VAC14: variants seen among roughly 807,000 people sequenced by gnomAD.
The protein encoded by VAC14 is VAC14 component of PIKFYVE complex, also known as protein VAC14 homolog.
In VAC14, 47 loss-of-function variants were observed where a neutral mutation model predicts 85.3. The observed-to-expected ratio is 0.55, with a 90% confidence interval of 0.44 to 0.70. The LOEUF (loss-of-function observed/expected upper bound fraction) is 0.70, where lower values mean the gene tolerates loss of function less well. Among genes scored for constraint, VAC14 ranks in the 30% least tolerant of loss-of-function variants. The pLI is 0.00. For synonymous variants in VAC14, 447 were observed against 430.5 expected, an observed-to-expected ratio of 1.04 and a Z score of -0.47; for missense variants, 861 against 1,004.3, an observed-to-expected ratio of 0.86 and a Z score of 1.93.
chr16:70,771,166 C>T (rs945662021), intron 10 of VAC14: 5 of 152,180 alleles, frequency 3.3e-5, no homozygotes, highest in African/African-American at 7.2e-5. Flanking sequence ...AGGGCAGAAC[C>T]GTTACAGTAC....
chr16:70,784,793 G>C lies in VAC14; in HGVS notation c.469C>G (p.Leu157Val), dbSNP rs770644376. The C allele has an allele frequency of 2.5e-6, 4 of 1,614,032 alleles. No individual in the cohort carries two copies. The East Asian group carries it at 8.9e-5, about 36-fold the overall frequency. The stretch of plus-strand genomic sequence containing the variant: ...ACAAATACCTTTAAAAGGCGGTCTA[G>C]GAGCTCAGATCCGCTTTTCACATTG... ...DPNVKSGSEL[L>V]DRLLKDIVTE... is the part of the protein sequence containing the mutation. The change falls in exon 4 of 19, where the codon CTA becomes GTA. Residue 157 changes from leucine (L) to valine (V), a missense_variant. Physicochemically the swap from Leu to Val is conservative, Grantham distance 32. Transcript: ENST00000261776.
intron 13 of VAC14, among the ~76,000 whole-genome samples, chr16:70,738,994 C>G (rs2029987586): frequency 6.6e-6 from 1 of 152,222 alleles, no homozygotes. Context: ...AACAGAGGGG[C>G]AGGAGAAGCT....
At chr16:70,731,348 C>A in intron 14 of VAC14, 147 bp downstream of exon 14, 1 of 1,489,914 alleles carries the variant, frequency 6.7e-7, no homozygotes, top group Non-Finnish European at 8.9e-7. Context: ...GAAGGGGCAA[C>A]CTTCTTCATT....
chr16:70,765,620 G>A (rs2032748175), intron 10 of VAC14, among the ~76,000 whole-genome samples: 1 of 152,142 alleles, frequency 6.6e-6, no homozygotes, highest in Non-Finnish European at 1.5e-5. Context: ...CTTTGGATCT[G>A]ATCAGTCTGA....
chr16:70,771,822 G>A, intron 10 of VAC14: 1 of 346,458 alleles, frequency 2.9e-6, no homozygotes, highest in Non-Finnish European at 5.3e-6. Flanking sequence ...CTCAAGCGAT[G>A]TGCCTGCCTT....
chr16:70,722,045 G>A (rs1308834030), intron 14 of VAC14, among the ~76,000 whole-genome samples: 5 of 152,234 alleles, frequency 3.3e-5, no homozygotes, highest in South Asian at 2.1e-4. Flanking sequence ...GACTGGGGAC[G>A]AGGGCAGATG....
intron 12 of VAC14, among the ~76,000 whole-genome samples, chr16:70,745,486 T>A (rs918102984): frequency 2.3e-4 from 31 of 134,426 alleles, no homozygotes; most frequent in African/African-American, 8.7e-4. Context: ...GGCTTCAGTG[T>A]GTGTGTGTGT....
chr16:70,712,668 T>C (rs560069088), intron 14 of VAC14, among the ~76,000 whole-genome samples: 30 of 152,218 alleles, frequency 2.0e-4, no homozygotes, highest in Non-Finnish European at 4.0e-4. Context: ...CAGAAAGGGC[T>C]GCAGAAGGAA....
intron 12 of VAC14, among the ~76,000 whole-genome samples, chr16:70,752,148 A>G (rs2031438980): frequency 6.6e-6 from 1 of 152,234 alleles, no homozygotes; most frequent in Admixed American, 6.5e-5. Flanking sequence ...TGAGGACAGC[A>G]TTCTGTGTTT....
Position 70,783,118 on chromosome 16 carries a change from T to C in VAC14, c.726A>G (p.Glu242=). The change falls in exon 7 of 19, where the codon GAA becomes GAG. Residue 242 remains glutamate (E), a synonymous_variant. Coordinates refer to ENST00000261776, the MANE Select transcript of VAC14 (RefSeq NM_018052.5). ...GGTTCTTCTTAATTTCTTTTAAGAA[T>C]TCTCCAAGAACAACCTCACACCTAT... ...IRKMCEVVLG[E]FLKEIKKNPS... The C allele has an allele frequency of 6.2e-7, 1 of 1,613,982 alleles. No homozygotes were observed. Among genetic ancestry groups the C allele is most frequent in the Non-Finnish European group, 8.5e-7 (1 of 1,179,994 alleles).
At chr16:70,717,075 C>T (rs150013050) in intron 14 of VAC14, among the ~76,000 whole-genome samples, 247 of 152,384 alleles carry the variant, frequency 1.6e-3, no homozygotes, top group Non-Finnish European at 2.7e-3. Context: ...GTTGGCTCTG[C>T]CTCCTGATGT....
intron 12 of VAC14, among the ~76,000 whole-genome samples, chr16:70,750,308 C>CT (rs952565952): frequency 6.6e-6 from 1 of 152,134 alleles, no homozygotes; most frequent in Non-Finnish European, 1.5e-5. Flanking sequence ...CGCTACACAG[C>CT]TTTTTTGCAA....
At chr16:70,795,729 T>C (rs183371368) in intron 1 of VAC14, among the ~76,000 whole-genome samples, 7 of 152,328 alleles carry the variant, frequency 4.6e-5, no homozygotes, top group Admixed American at 2.0e-4. Context: ...TCAGGGGGCA[T>C]GGCCTGGGCC....
At chr16:70,697,657 T>C (rs1375380165) in intron 15 of VAC14, among the ~76,000 whole-genome samples, 1 of 152,142 alleles carries the variant, frequency 6.6e-6, no homozygotes, top group African/African-American at 2.4e-5. Context: ...CACACTTAAA[T>C]GCCATCTCCT....
chr16:70,704,834 G>C (rs987528929), intron 14 of VAC14, among the ~76,000 whole-genome samples: 1 of 152,210 alleles, frequency 6.6e-6, no homozygotes, highest in Non-Finnish European at 1.5e-5. Flanking sequence ...GACGGAGCTT[G>C]GGTCTCCTTG....
chr16:70,725,866 C>A (rs988897056), intron 14 of VAC14, among the ~76,000 whole-genome samples: 1 of 152,218 alleles, frequency 6.6e-6, no homozygotes, highest in Non-Finnish European at 1.5e-5. Flanking sequence ...TGGGCCGGTT[C>A]GGATCAGGCC....
intron 18 of VAC14, 143 bp downstream of exon 18, chr16:70,692,678 G>A (rs1226547273): frequency 4.4e-6 from 5 of 1,127,408 alleles, no homozygotes; most frequent in Non-Finnish European, 6.2e-6. Context: ...CTGCGGGGGG[G>A]ATGGTGGTCA....
intron 9 of VAC14, among the ~76,000 whole-genome samples, chr16:70,776,168 A>T (rs544436096): frequency 5.3e-5 from 8 of 152,302 alleles, no homozygotes; most frequent in African/African-American, 1.9e-4. Context: ...TGGCGTGATC[A>T]TGGCTCACTG....
rs771015648 is a variant in VAC14 at position 70,763,039 on chromosome 16, CGGGA to C, written c.1161-18_1161-15del. On this transcript the variant is annotated splice_polypyrimidine_tract_variant and intron_variant, in intron 10 of 18. Transcript: ENST00000261776. ...GCTCTTTCAGTGCTGTGGGTAAGAT[CGGGA>C]GGGAGAGCAGAGGTGAAGCCCACCA... The C allele has an allele frequency of 6.2e-7, 1 of 1,614,034 alleles. No individual in the cohort carries two copies. Among genetic ancestry groups the C allele is most frequent in the Admixed American group, 1.7e-5 (1 of 60,016 alleles).
Sources: allele counts gnomAD v4.1 joint callset (sites outside exome capture counted in the v4.1 genomes callset), GRCh38; gene constraint gnomAD v4.1.1; transcripts MANE v1.5; gene names NCBI Gene and HGNC (gene_info 2026-07-23, HGNC 2026-07-21).